Variants in MNS1 observed in about 807,000 individuals in gnomAD.
MNS1 encodes meiosis specific nuclear structural 1, also known as meiosis-specific nuclear structural protein 1.
A neutral mutation model predicts 72.0 loss-of-function variants in MNS1; 63 were observed. That is an observed-to-expected ratio of 0.87 (90% confidence interval 0.71 to 1.08). MNS1 has a LOEUF of 1.08. Among genes scored for constraint, MNS1 ranks in the 50% least tolerant of loss-of-function variants. The pLI is 0.00. For missense variants in MNS1, 604 were observed against 562.4 expected (o/e 1.07, Z -0.75); for synonymous variants, 188 against 172.1 (o/e 1.09, Z -0.72).
At chr15:56,430,021 C>T (rs927569384) in intron 9 of MNS1, 3 of 152,170 alleles carry the variant, frequency 2.0e-5, no homozygotes, top group Non-Finnish European at 4.4e-5. Flanking sequence ...ACCAATTAGA[C>T]TATCAAGTCC....
At chr15:56,438,336 T>G (rs1418271922) in intron 7 of MNS1, among the ~76,000 whole-genome samples, 1 of 151,886 alleles carries the variant, frequency 6.6e-6, no homozygotes, top group Non-Finnish European at 1.5e-5. Flanking sequence ...TCTGCTCTTT[T>G]TTTTTGTTAC....
intron 3 of MNS1, 21 bp from the exon 4 acceptor site, chr15:56,446,964 A>T: frequency 6.5e-7 from 1 of 1,542,128 alleles, no homozygotes; most frequent in East Asian, 2.3e-5. Flanking sequence ...AAACAAAAAC[A>T]AATTTAAATG....
At chr15:56,451,863 A>T (rs1468593038) in intron 3 of MNS1, among the ~76,000 whole-genome samples, 1 of 152,214 alleles carries the variant, frequency 6.6e-6, no homozygotes, top group Non-Finnish European at 1.5e-5. Context: ...ACCTAAGCAT[A>T]TAAAGATTGC....
chr15:56,429,352 A>AATAAGACTTTACATATATATTG (rs1398724503), intron 9 of MNS1, 159 bp from the exon 10 acceptor site: 23 of 561,618 alleles, frequency 4.1e-5, no homozygotes, highest in Non-Finnish European at 3.9e-5. Flanking sequence ...CTTTTCAAAA[A>AATAAGACTTTACATATATATTG]ATAAGACTTT....
At chr15:56,457,882 C>G (rs2050991237) in intron 2 of MNS1, among the ~76,000 whole-genome samples, 1 of 143,816 alleles carries the variant, frequency 7.0e-6, no homozygotes, top group Non-Finnish European at 1.6e-5. Flanking sequence ...GCATTTATCC[C>G]AGGGAAATGA....
intron 1 of MNS1, 82 bp from the exon 2 acceptor site, chr15:56,464,329 A>G (rs1346043693): frequency 2.0e-6 from 2 of 1,009,098 alleles, no homozygotes; most frequent in African/African-American, 3.3e-5. Context: ...AAACCTTAGT[A>G]AGAAAGGATA....
At position 56,434,244 on chromosome 15, in the gene MNS1, C is replaced by T. The variant is rs751861825; in HGVS notation, c.1163G>A (p.Arg388Gln). The T allele has an allele frequency of 2.2e-5, 35 of 1,613,768 alleles. No individual in the cohort carries two copies. The Admixed American group carries it at 3.0e-4, about 14-fold the overall frequency. ...TMLAKFAEDD[R>Q]IELMNAQKQR... ...TTTCTGAGCATTCATTAATTCTATT[C>T]GATCATCCTCAGCAAATTTAGCTAG... The change falls in exon 8 of 10, where the codon CGA (arginine) becomes CAA (glutamine). Residue 388 changes from arginine (R) to glutamine (Q), a missense_variant. By Grantham distance (43) the Arg-to-Gln change is conservative. Coordinates refer to ENST00000260453, the MANE Select transcript of MNS1 (RefSeq NM_018365.4).
At chr15:56,459,622 G>T (rs1254739165) in intron 2 of MNS1, among the ~76,000 whole-genome samples, 1 of 152,092 alleles carries the variant, frequency 6.6e-6, no homozygotes, top group Non-Finnish European at 1.5e-5. Context: ...CTTCAAAATT[G>T]TCAAGGTCAT....
At chr15:56,433,333 C>T (rs543708555) in intron 8 of MNS1, among the ~76,000 whole-genome samples, 6 of 151,906 alleles carry the variant, frequency 3.9e-5, no homozygotes, top group African/African-American at 4.8e-5. Context: ...ACCTAGATGA[C>T]GGGTTGATAG....
intron 2 of MNS1, among the ~76,000 whole-genome samples, chr15:56,457,732 C>A (rs886961392): frequency 6.6e-6 from 1 of 151,450 alleles, no homozygotes; most frequent in Non-Finnish European, 1.5e-5. Context: ...GGAGGACCGC[C>A]GGAGACCAGG....
chr15:56,448,423 G>A (rs1253379646), intron 3 of MNS1, among the ~76,000 whole-genome samples: 1 of 152,078 alleles, frequency 6.6e-6, no homozygotes, highest in East Asian at 1.9e-4. Flanking sequence ...AGTGTCTGTT[G>A]TTCCCATATA....
At chr15:56,444,794 G>T (rs2050879978) in intron 4 of MNS1, 121 bp from the exon 5 acceptor site, 1 of 913,824 alleles carries the variant, frequency 1.1e-6, no homozygotes, top group South Asian at 1.8e-5. Context: ...TTTTTCATCT[G>T]TCTAGGTTAA....
chr15:56,462,270 C>A (rs1351236004), intron 2 of MNS1, among the ~76,000 whole-genome samples: 2 of 152,086 alleles, frequency 1.3e-5, no homozygotes, highest in South Asian at 2.1e-4. Context: ...AGAAAAAATT[C>A]TTTTGTGAAA....
intron 2 of MNS1, among the ~76,000 whole-genome samples, chr15:56,459,951 T>C (rs1446457040): frequency 7.7e-6 from 1 of 129,134 alleles, no homozygotes; most frequent in African/African-American, 3.0e-5. Context: ...AATTGCGCCA[T>C]TGCACTCCAG....
At chr15:56,460,333 G>C (rs1773171812) in intron 2 of MNS1, among the ~76,000 whole-genome samples, 1 of 151,426 alleles carries the variant, frequency 6.6e-6, no homozygotes. Flanking sequence ...GATTTAATCT[G>C]TAATTGGAAA....
At chr15:56,448,420 G>A (rs795797) in intron 3 of MNS1, among the ~76,000 whole-genome samples, 69,134 of 151,910 alleles carry the variant, frequency 0.46, 15,836 homozygotes, top group South Asian at 0.61. Context: ...CACAGTGTCT[G>A]TTGTTCCCAT....
At chr15:56,464,940 A>C in intron 1 of MNS1, 30 bp downstream of exon 1, 1 of 1,611,332 alleles carries the variant, frequency 6.2e-7, no homozygotes, top group South Asian at 1.1e-5. Flanking sequence ...AACAATAAAC[A>C]AGTAGTTTCA....
chr15:56,439,773 AC>A (rs1367146379), intron 7 of MNS1, among the ~76,000 whole-genome samples: 2 of 151,450 alleles, frequency 1.3e-5, no homozygotes, highest in Non-Finnish European at 3.0e-5. Context: ...ACCCAAAAAA[AC>A]AAAACACACA....
chr15:56,454,180 T>G (rs568071956), intron 3 of MNS1, among the ~76,000 whole-genome samples: 1 of 152,310 alleles, frequency 6.6e-6, no homozygotes, highest in African/African-American at 2.4e-5. Flanking sequence ...AGTTGTAAAT[T>G]TTTTTGTATA....
Sources: gnomAD v4.1 joint callset for allele counts (sites outside exome capture counted in the v4.1 genomes callset) on GRCh38, gnomAD v4.1.1 for gene constraint, MANE v1.5 for transcripts, NCBI Gene and HGNC (gene_info 2026-07-23, HGNC 2026-07-21) for gene names.